Variants in BCAN observed in about 807,000 individuals in gnomAD.
BCAN encodes the protein brevican core protein.
In BCAN, 51 loss-of-function variants were observed where a neutral mutation model predicts 92.4. The ratio of observed to expected loss-of-function variants is 0.55; its 90% CI spans 0.44 to 0.70. BCAN has a LOEUF of 0.70. BCAN is among the 30% of genes least tolerant of loss of function. BCAN has a pLI of 0.00. For synonymous variants in BCAN, 501 were observed against 505.2 expected (o/e 0.99, Z 0.11); for missense variants, 1,140 against 1,212.1 (o/e 0.94, Z 0.88).
At chr1:156,645,851 G>C (rs1032187416) in intron 1 of BCAN, among the ~76,000 whole-genome samples, 196 bp from the exon 2 acceptor site, 3 of 152,192 alleles carry the variant, frequency 2.0e-5, no homozygotes, top group African/African-American at 4.8e-5. Flanking sequence ...GAGTTGACTA[G>C]GACTCGGGTT....
rs773370257 is a variant in BCAN at position 156,658,558 on chromosome 1, C to T, written c.2453C>T (p.Pro818Leu). The stretch of plus-strand genomic sequence containing the variant: ...TCCTTTGCAGTGTCCTGTGGGCCGC[C>T]ACCGGAGCTGCCCCTGGCTCAAGTG... ...CKMGLVSCGP[P>L]PELPLAQVFG... Residue 818 changes from proline (P) to leucine (L), a missense_variant, in exon 13 of 14, where the codon CCA becomes CTA. Coordinates refer to ENST00000329117, the MANE Select transcript of BCAN (RefSeq NM_021948.5). The surrounding 1 kb of genome is among the most constrained non-coding windows in gnomAD (Gnocchi z 4.4). 6.2e-7 allele frequency: 1 copy of T among 1,613,872 alleles called. No individual in the cohort carries two copies. Among genetic ancestry groups the T allele is most frequent in the Non-Finnish European group, 8.5e-7 (1 of 1,179,964 alleles).
Position 156,646,845 on chromosome 1 carries a change from C to T in BCAN, c.136C>T (p.Gln46Ter). The change falls in exon 3 of 14, where the codon CAG becomes TAG. Residue 46 changes from glutamine to a stop codon, truncating the protein, a stop_gained. Coordinates refer to ENST00000329117, the MANE Select transcript of BCAN (RefSeq NM_021948.5). LOFTEE classifies it high-confidence loss of function. ...RVRIAGDAPLQGVLGGALTIP... is the reference protein window; with the variant it reads ...RVRIAGDAPL Reference sequence around the variant, plus strand: ...GCGCATCGCGGGCGACGCGCCACTGCAGGGCGTGCTCGGCGGCGCCCTCAC... The same window carrying T: ...GCGCATCGCGGGCGACGCGCCACTGTAGGGCGTGCTCGGCGGCGCCCTCAC... The T allele has an allele frequency of 6.2e-7, 1 of 1,602,324 alleles. No homozygotes were observed. The highest frequency in any genetic ancestry group is 1.1e-5 in the South Asian group (1 of 89,744).
intron 1 of BCAN, chr1:156,644,312 G>A (rs971354191): frequency 6.6e-6 from 1 of 152,350 alleles, no homozygotes; most frequent in African/African-American, 2.4e-5. Flanking sequence ...ATGGGAGCCA[G>A]GTCTGTGAGC....
chr1:156,652,027 G>C (rs1679180985), intron 7 of BCAN, among the ~76,000 whole-genome samples: 1 of 152,158 alleles, frequency 6.6e-6, no homozygotes, highest in South Asian at 2.1e-4. Context: ...TGTTCTCCGG[G>C]GCTAATGATG....
At chr1:156,657,638 T>G (rs781142191) in intron 10 of BCAN, 37 bp from the exon 11 acceptor site, 1 of 1,561,438 alleles carries the variant, frequency 6.4e-7, no homozygotes, top group Admixed American at 1.9e-5. Context: ...CGCCATCTGC[T>G]GGCGGCTGCG....
chr1:156,646,009 G>A (rs1488839311), intron 1 of BCAN, 38 bp from the exon 2 acceptor site: 1 of 1,573,758 alleles, frequency 6.4e-7, no homozygotes, highest in Non-Finnish European at 8.7e-7. Flanking sequence ...CCATCCTGAA[G>A]TCTAACCCCA....
chr1:156,652,928 C>T, intron 8 of BCAN, 36 bp downstream of exon 8: 1 of 1,607,902 alleles, frequency 6.2e-7, no homozygotes. Flanking sequence ...CCTCTCTATC[C>T]TACTCCTTTT....
chr1:156,645,916 C>A, intron 1 of BCAN, 131 bp from the exon 2 acceptor site: 1 of 665,312 alleles, frequency 1.5e-6, no homozygotes, highest in Non-Finnish European at 2.5e-6. Flanking sequence ...AACAGAGAGT[C>A]CATGGTGATG....
In BCAN at chr1:156,646,801, A is replaced by G; in HGVS notation, c.92A>G (p.Glu31Gly). 2.6e-6 allele frequency: 4 copies of G among 1,552,528 alleles called. No homozygotes were observed. The highest frequency in any genetic ancestry group is 3.5e-6 in the Non-Finnish European group (4 of 1,149,014). Reference protein sequence around the residue: ...LADVLEGDSSEDRAFRVRIAG... With the variant: ...LADVLEGDSSGDRAFRVRIAG... ...TCCAGCCGGCTCCACCCGTTCACAG[A>G]GGACCGCGCTTTTCGCGTGCGCATC... is the stretch of plus-strand genomic sequence containing the variant. The change falls in exon 3 of 14, where the codon GAG (glutamate) becomes GGG (glycine). Residue 31 changes from glutamate (E) to glycine (G), a missense_variant and splice_region_variant. Around this residue, in one of 3 missense-constraint regions of BCAN, gnomAD observed 286 missense variants for 284.1 expected, o/e 1.01. Coordinates refer to ENST00000329117, the MANE Select transcript of BCAN (RefSeq NM_021948.5).
At chr1:156,648,497 G>T in intron 5 of BCAN, 71 bp from the exon 6 acceptor site, 1 of 1,470,620 alleles carries the variant, frequency 6.8e-7, no homozygotes, top group Non-Finnish European at 9.2e-7. Flanking sequence ...CTTGCCCAGG[G>T]TTCCCATGGG....
At chr1:156,645,485 A>G (rs1443764648) in intron 1 of BCAN, among the ~76,000 whole-genome samples, 4 of 152,136 alleles carry the variant, frequency 2.6e-5, no homozygotes, top group Admixed American at 2.6e-4. Flanking sequence ...CGTTCGGTCT[A>G]GGAGGCCCTC....
rs201557237 is a variant in BCAN at position 156,650,150 on chromosome 1, GTAA to G, written c.1064-1294_1064-1292del. On this transcript the variant is annotated intron_variant, in intron 6 of 13. Coordinates refer to ENST00000329117, the MANE Select transcript of BCAN (RefSeq NM_021948.5). Reference sequence around the variant, plus strand: ...GGTAGTAGTAGTAGTAGTAGTAGTAGTAATAATAATAATAGTAATAGCTAAAAC... The same window carrying G: ...GGTAGTAGTAGTAGTAGTAGTAGTAGTAATAATAATAGTAATAGCTAAAAC... 9.9e-4 allele frequency among the ~76,000 whole-genome samples: 150 copies of G among 151,774 alleles called. 1 individual carries two copies. Among genetic ancestry groups the G allele is most frequent in the African/African-American group, 3.5e-3 (146 of 41,362 alleles).
chr1:156,653,585 CTG>C, intron 8 of BCAN: 1 of 962,702 alleles, frequency 1.0e-6, no homozygotes, highest in Non-Finnish European at 1.2e-6. Flanking sequence ...CTCCCTGTCT[CTG>C]TGTGTGTCTT....
At position 156,648,830 on chromosome 1, in the gene BCAN, G is replaced by T; in HGVS notation, c.1032G>T (p.Lys344Asn). 6.3e-7 allele frequency: 1 copy of T among 1,580,110 alleles called. No homozygotes were observed. The highest frequency in any genetic ancestry group is 8.7e-7 in the Non-Finnish European group (1 of 1,154,688). The change falls in exon 6 of 14, where the codon AAG becomes AAT. Residue 344 changes from lysine to asparagine, a missense_variant. By Grantham distance (94) the Lys-to-Asn change is moderately conservative. Around this residue, in one of 3 missense-constraint regions of BCAN, gnomAD observed 825 missense variants for 871.8 expected, o/e 0.95. Transcript: ENST00000329117. Reference sequence around the variant, plus strand: ...CCAACCAGACTGGCTTCCCCAATAAGCACAGCCGCTTCAACGTCTACTGCT... The same window carrying T: ...CCAACCAGACTGGCTTCCCCAATAATCACAGCCGCTTCAACGTCTACTGCT... The part of the protein sequence containing the change: ...LFPNQTGFPN[K>N]HSRFNVYCFR...
At position 156,647,145 on chromosome 1, in the gene BCAN, A is replaced by G; in HGVS notation, c.436A>G (p.Ser146Gly). The G allele has an allele frequency of 7.5e-7, 1 of 1,333,878 alleles. No individual in the cohort carries two copies. Among genetic ancestry groups the G allele is most frequent in the Non-Finnish European group, 1.0e-6 (1 of 1,000,780 alleles). 82.6% of individuals were successfully genotyped at this position (1,333,878 alleles called of 1,614,324 possible). A position where few individuals can be genotyped will look rare whatever the true frequency, so the allele number is the denominator to read the frequency against. Reference protein sequence around the residue: ...RCEVQHGIDDSSDAVEVKVKG... With the variant: ...RCEVQHGIDDGSDAVEVKVKG... Reference sequence around the variant, plus strand: ...TGAGGTCCAGCACGGCATCGATGACAGCAGCGACGCTGTGGAGGTCAAGGT... The same window carrying G: ...TGAGGTCCAGCACGGCATCGATGACGGCAGCGACGCTGTGGAGGTCAAGGT... Residue 146 changes from serine to glycine, a missense_variant, in exon 3 of 14, where the codon AGC (serine) becomes GGC (glycine). By Grantham distance (56) the Ser-to-Gly change is moderately conservative. This residue lies in a region of BCAN where 286 missense variants were observed against 284.1 expected (regional missense o/e 1.01). Transcript: ENST00000329117. This position sits in a 1 kb window ranked among gnomAD's most constrained non-coding sequence, Gnocchi z 4.8.
chr1:156,656,959 G>A lies in BCAN; in HGVS notation c.2072G>A (p.Gly691Asp). Residue 691 changes from glycine to aspartate, a missense_variant, in exon 10 of 14, where the codon GGC becomes GAC. Around this residue, in one of 3 missense-constraint regions of BCAN, gnomAD observed 825 missense variants for 871.8 expected, o/e 0.95. Coordinates refer to ENST00000329117, the MANE Select transcript of BCAN (RefSeq NM_021948.5). ...CDVGLRFCNP[G>D]WDAFQGACYK... ...GCAGGCCTCCGCTTCTGCAACCCCGGCTGGGACGCCTTCCAGGGCGCCTGC... is the reference window on the plus strand; with the variant it reads ...GCAGGCCTCCGCTTCTGCAACCCCGACTGGGACGCCTTCCAGGGCGCCTGC... 6.2e-7 allele frequency: 1 copy of A among 1,613,966 alleles called. No individual in the cohort carries two copies.
chr1:156,648,184 T>G, intron 5 of BCAN, 74 bp downstream of exon 5: 2 of 1,561,726 alleles, frequency 1.3e-6, no homozygotes, highest in South Asian at 1.1e-5. Context: ...CCGGGGCCTC[T>G]GCAGGACCTT....
At chr1:156,653,002 T>C in intron 8 of BCAN, 110 bp downstream of exon 8, 3 of 1,537,392 alleles carry the variant, frequency 2.0e-6, no homozygotes, top group Non-Finnish European at 2.6e-6. Flanking sequence ...TCCCAAACTC[T>C]CCTGTCCTTT....
rs770681285 is a variant in BCAN, at chr1:156,652,502, G to A, written c.1552G>A (p.Gly518Ser). 6.2e-7 allele frequency: 1 copy of A among 1,610,168 alleles called. No homozygotes were observed. Among genetic ancestry groups the A allele is most frequent in the East Asian group, 2.2e-5 (1 of 44,690 alleles). Residue 518 changes from glycine to serine, a missense_variant, in exon 8 of 14, where the codon GGT becomes AGT. Around this residue, in one of 3 missense-constraint regions of BCAN, gnomAD observed 825 missense variants for 871.8 expected, o/e 0.95. Transcript: ENST00000329117. ...GCCAGCAAGGGCAGTCCTGCAGCCT[G>A]GTGCATCACCACTTCCTGATGGAGA... ...QAPARAVLQP[G>S]ASPLPDGESE...
Sources: allele counts gnomAD v4.1 joint callset (sites outside exome capture counted in the v4.1 genomes callset), GRCh38; gene constraint gnomAD v4.1.1; regional missense constraint gnomAD v4.1.1; non-coding constraint Gnocchi (gnomAD v3.1); transcripts MANE v1.5; gene names NCBI Gene and HGNC (gene_info 2026-07-23, HGNC 2026-07-21).